Variants in KAT6B observed in about 807,000 individuals in gnomAD.
KAT6B encodes the protein lysine acetyltransferase 6B, also known as histone acetyltransferase KAT6B.
KAT6B carries 10 observed loss-of-function variants against 187.5 expected under a neutral mutation model. The observed-to-expected ratio is 0.05, with a 90% confidence interval of 0.03 to 0.09. KAT6B has a LOEUF of 0.09. KAT6B is among the 10% of genes least tolerant of loss of function. The pLI is 1.00. For missense variants in KAT6B, 1,952 were observed against 2,558.9 expected, an observed-to-expected ratio of 0.76 and a Z score of 5.12; for synonymous variants, 861 against 926.8, an observed-to-expected ratio of 0.93 and a Z score of 1.29.
chr10:74,941,599 C>T (rs1461355627), intron 3 of KAT6B, among the ~76,000 whole-genome samples: 3 of 152,064 alleles, frequency 2.0e-5, no homozygotes, highest in East Asian at 3.9e-4. Context: ...GCCCAAATTA[C>T]CACCAACACA....
At chr10:75,014,563 C>A (rs1250300469) in intron 13 of KAT6B, among the ~76,000 whole-genome samples, 1 of 151,884 alleles carries the variant, frequency 6.6e-6, no homozygotes, top group African/African-American at 2.4e-5. Flanking sequence ...ATAGATAGAG[C>A]CCTTAAAAGC....
At chr10:74,921,852 G>A (rs1848159677) in intron 3 of KAT6B, among the ~76,000 whole-genome samples, 1 of 152,234 alleles carries the variant, frequency 6.6e-6, no homozygotes, top group African/African-American at 2.4e-5. Flanking sequence ...TTAGAGCAAG[G>A]TGTTAATGAG....
At chr10:74,948,804 C>T (rs1400542781) in intron 3 of KAT6B, among the ~76,000 whole-genome samples, 1 of 152,132 alleles carries the variant, frequency 6.6e-6, no homozygotes, top group Non-Finnish European at 1.5e-5. Context: ...GAAAACATTC[C>T]CAAGTCATAG....
intron 3 of KAT6B, among the ~76,000 whole-genome samples, chr10:74,863,234 T>C (rs1431091687): frequency 6.6e-6 from 1 of 152,208 alleles, no homozygotes; most frequent in Admixed American, 6.5e-5. Context: ...TATATTTAAA[T>C]AAAAAGAAGA....
chr10:75,004,358 T>C (rs550495165), intron 13 of KAT6B, among the ~76,000 whole-genome samples: 1 of 152,326 alleles, frequency 6.6e-6, no homozygotes, highest in African/African-American at 2.4e-5. Flanking sequence ...TCCACTTCTT[T>C]GTATGACTGT....
intron 3 of KAT6B, among the ~76,000 whole-genome samples, chr10:74,850,170 C>A (rs907777292): frequency 2.0e-5 from 3 of 152,122 alleles, no homozygotes; most frequent in Admixed American, 2.0e-4. Flanking sequence ...AATCTCCTGA[C>A]CTCGTGATCC....
chr10:74,927,002 G>GA (rs2133123365), intron 3 of KAT6B, among the ~76,000 whole-genome samples: 1 of 152,258 alleles, frequency 6.6e-6, no homozygotes, highest in Admixed American at 6.5e-5. Context: ...GGAGGCAGTG[G>GA]AATCATCACA....
intron 3 of KAT6B, among the ~76,000 whole-genome samples, chr10:74,845,172 T>C (rs1842005991): frequency 6.6e-6 from 1 of 151,426 alleles, no homozygotes; most frequent in African/African-American, 2.4e-5. Flanking sequence ...TGAGCCTTGA[T>C]TGTACTCCAG....
intron 12 of KAT6B, among the ~76,000 whole-genome samples, chr10:74,986,317 T>C (rs1213498406): frequency 1.5e-4 from 23 of 152,188 alleles, no homozygotes; most frequent in Non-Finnish European, 3.4e-4. Flanking sequence ...ACCAGGATGG[T>C]ACATAAATAG....
intron 3 of KAT6B, among the ~76,000 whole-genome samples, chr10:74,905,634 AAGAG>A (rs1846703511): frequency 1.3e-5 from 2 of 152,186 alleles, no homozygotes; most frequent in Non-Finnish European, 2.9e-5. Context: ...TGAGGGTTAA[AAGAG>A]AGTCTCTGTA....
At chr10:74,875,705 A>G (rs1183593992) in intron 3 of KAT6B, among the ~76,000 whole-genome samples, 1 of 152,130 alleles carries the variant, frequency 6.6e-6, no homozygotes, top group African/African-American at 2.4e-5. Flanking sequence ...AGCTCAAGTG[A>G]CCTGCCCACC....
At chr10:75,024,035 T>C (rs1181014279) in intron 16 of KAT6B, 4 of 152,130 alleles carry the variant, frequency 2.6e-5, no homozygotes, top group African/African-American at 7.2e-5. Context: ...TTAAAAACTT[T>C]TTTGCTGGGC....
intron 6 of KAT6B, among the ~76,000 whole-genome samples, chr10:74,970,557 C>T (rs1277985033): frequency 6.6e-6 from 1 of 152,096 alleles, no homozygotes; most frequent in Non-Finnish European, 1.5e-5. Context: ...TGAACACGAG[C>T]ATCTGAATGA....
intron 13 of KAT6B, among the ~76,000 whole-genome samples, chr10:75,013,806 TTAAA>T (rs1339968265): frequency 1.3e-5 from 2 of 152,116 alleles, no homozygotes; most frequent in Non-Finnish European, 2.9e-5. Context: ...CACAGAGAGG[TTAAA>T]TAAAATCCCT....
intron 3 of KAT6B, among the ~76,000 whole-genome samples, chr10:74,852,533 A>G (rs1052992383): frequency 6.6e-6 from 1 of 152,224 alleles, no homozygotes; most frequent in Non-Finnish European, 1.5e-5. Flanking sequence ...TTGTTGAGAC[A>G]TTGTTGAGAG....
intron 3 of KAT6B, among the ~76,000 whole-genome samples, chr10:74,891,493 T>TA (rs1446078465): frequency 2.6e-5 from 4 of 152,258 alleles, no homozygotes; most frequent in Non-Finnish European, 5.9e-5. Flanking sequence ...TGTGATGCTT[T>TA]AAAAAATAAC....
At chr10:74,875,481 T>C (rs886425719) in intron 3 of KAT6B, among the ~76,000 whole-genome samples, 4 of 151,720 alleles carry the variant, frequency 2.6e-5, no homozygotes, top group East Asian at 1.9e-4. Context: ...TTTCTTTTTT[T>C]TTTTTTTTCC....
In KAT6B at chr10:74,838,970, T is replaced by C. The variant is rs183280448; in HGVS notation, c.-259+218T>C. Among the ~76,000 whole-genome samples the C allele has an allele frequency of 3.6e-3, 544 of 152,086 alleles. 1 individual carries two copies. The highest frequency in any genetic ancestry group is 6.1e-3 in the Non-Finnish European group (414 of 67,994). On this transcript the variant is annotated intron_variant, in intron 2 of 17. Transcript: ENST00000287239. ...GAGTTTGAGTCCAGCCTGGCCAACA[T>C]GGCAAAACCCTGTCTCTACTAAAAA...
intron 13 of KAT6B, among the ~76,000 whole-genome samples, chr10:75,007,193 AG>A (rs1343932867): frequency 6.6e-6 from 1 of 152,246 alleles, no homozygotes; most frequent in East Asian, 1.9e-4. Flanking sequence ...AAGGACAACC[AG>A]AAATTATCTA....
Sources: gnomAD v4.1 joint callset for allele counts (sites outside exome capture counted in the v4.1 genomes callset) on GRCh38, gnomAD v4.1.1 for gene constraint, MANE v1.5 for transcripts, NCBI Gene and HGNC (gene_info 2026-07-23, HGNC 2026-07-21) for gene names.